The following CRYBA4 variants were observed in gnomAD, a reference collection of about 807,000 sequenced individuals.
CRYBA4 encodes the protein beta-crystallin A4.
CRYBA4 carries 30 observed loss-of-function variants against 31.7 expected under a neutral mutation model. The ratio of observed to expected loss-of-function variants is 0.95; its 90% CI spans 0.71 to 1.28. The LOEUF (loss-of-function observed/expected upper bound fraction) is 1.28, where lower values mean the gene tolerates loss of function less well. CRYBA4 is among the 50% of genes most tolerant of loss of function. The pLI, the probability that CRYBA4 is intolerant of heterozygous loss-of-function variation, is 0.00. For synonymous variants in CRYBA4, 102 were observed against 102.3 expected (o/e 1.00, Z 0.02); for missense variants, 225 against 260.7 (o/e 0.86, Z 0.94).
At chr22:26,607,721 G>A in the CRYBA4 span, among the ~76,000 whole-genome samples, 1 of 152,142 alleles carries the variant, frequency 6.6e-6, no homozygotes, top group East Asian at 1.9e-4. Flanking sequence ...GTGTGTTAAG[G>A]ACACTGATGA....
chr22:26,627,055 C>CTA (rs1929722578), intron 4 of CRYBA4, among the ~76,000 whole-genome samples: 4 of 151,866 alleles, frequency 2.6e-5, no homozygotes, highest in Non-Finnish European at 5.9e-5. Flanking sequence ...TGCAAACAGT[C>CTA]TAGATATTGT....
At chr22:26,628,241 T>TTC (rs769539890) in intron 4 of CRYBA4, 47 bp from the exon 5 acceptor site, 30 of 1,613,376 alleles carry the variant, frequency 1.9e-5, no homozygotes, top group Admixed American at 1.3e-4. Flanking sequence ...GCTCCTGGGT[T>TTC]TCCAACTGGG....
the CRYBA4 span, chr22:26,596,508 A>T: frequency 6.6e-6 from 1 of 152,274 alleles, no homozygotes; most frequent in Admixed American, 6.5e-5. Flanking sequence ...AAATAAGTTG[A>T]AAATAATTCT....
At chr22:26,602,147 G>T in the CRYBA4 span, 2 of 1,189,126 alleles carry the variant, frequency 1.7e-6, no homozygotes, top group East Asian at 4.9e-5. Flanking sequence ...GGACTCTCCA[G>T]GGACCACTGC....
chr22:26,596,682 A>G, the CRYBA4 span: 1 of 152,216 alleles, frequency 6.6e-6, no homozygotes, highest in African/African-American at 2.4e-5. Flanking sequence ...GGGGGCTCAT[A>G]TGACTGTGAA....
the CRYBA4 span, among the ~76,000 whole-genome samples, chr22:26,614,719 C>A: frequency 2.2e-4 from 33 of 152,232 alleles, no homozygotes; most frequent in African/African-American, 7.9e-4. Flanking sequence ...CGGCCAGTTG[C>A]GGTGGCTCAC....
Position 26,625,487 on chromosome 22 carries a change from G to A in CRYBA4, c.165G>A (p.Val55=). The A allele has an allele frequency of 6.2e-7, 1 of 1,613,914 alleles. No individual in the cohort carries two copies. ...RSLKVLSGAW[V]GFEHAGFQGQ... Reference sequence around the variant, plus strand: ...CTCTACCCTCTGTCTGCAGGTGGGTGGGCTTTGAGCATGCTGGCTTCCAAG... The same window carrying A: ...CTCTACCCTCTGTCTGCAGGTGGGTAGGCTTTGAGCATGCTGGCTTCCAAG... Residue 55 remains valine, a synonymous_variant, in exon 4 of 6, where the codon GTG becomes GTA. Coordinates refer to ENST00000354760, the MANE Select transcript of CRYBA4 (RefSeq NM_001886.3).
chr22:26,592,962 C>T, the CRYBA4 span, among the ~76,000 whole-genome samples: 3 of 152,140 alleles, frequency 2.0e-5, no homozygotes, highest in African/African-American at 7.2e-5. Context: ...TCTCTCAGTA[C>T]CCCTAGCTCA....
At chr22:26,599,115 C>T in the CRYBA4 span, among the ~76,000 whole-genome samples, 12 of 152,172 alleles carry the variant, frequency 7.9e-5, no homozygotes, top group South Asian at 2.1e-4. Flanking sequence ...ACCTGCTGCA[C>T]GAATGCCCTG....
In CRYBA4 at chr22:26,623,287, C is replaced by A. The variant is rs377668327; in HGVS notation, c.93C>A (p.Ala31=). The change falls in exon 3 of 6, where the codon GCC becomes GCA. Residue 31 remains alanine (A), a synonymous_variant. Coordinates refer to ENST00000354760, the MANE Select transcript of CRYBA4 (RefSeq NM_001886.3). The part of the protein sequence containing the change: ...GFQGRRHEFT[A]ECPSVLELGF... ...AGGGCCGGCGGCACGAGTTCACGGC[C>A]GAGTGCCCCAGCGTGCTGGAGCTTG... 1 of 1,614,004 alleles carries A rather than the reference C, an allele frequency of 6.2e-7. No individual in the cohort carries two copies. Among genetic ancestry groups the A allele is most frequent in the African/African-American group, 1.3e-5 (1 of 75,022 alleles).
the CRYBA4 span, chr22:26,616,121 T>C: frequency 4.3e-6 from 7 of 1,610,092 alleles, no homozygotes; most frequent in Non-Finnish European, 6.0e-6. Context: ...ACCCAGCCAC[T>C]GCACCCCCAG....
upstream of CRYBA4, among the ~76,000 whole-genome samples, chr22:26,620,894 A>G (rs1929511443): frequency 6.6e-6 from 1 of 151,918 alleles, no homozygotes. Flanking sequence ...GCTGCATTTC[A>G]CCCTCTTAAA....
chr22:26,611,969 G>C, the CRYBA4 span: 3 of 839,524 alleles, frequency 3.6e-6, no homozygotes, highest in Non-Finnish European at 6.2e-6. Context: ...CCAGGAGTAC[G>C]AACGGCCGCA....
At chr22:26,622,009 G>A in intron 1 of CRYBA4, 23 bp downstream of exon 1, 4 of 986,076 alleles carry the variant, frequency 4.1e-6, no homozygotes, top group Non-Finnish European at 4.8e-6. Flanking sequence ...TTTGGAGGAG[G>A]GGTGGGATCA....
chr22:26,592,104 A>G, the CRYBA4 span, among the ~76,000 whole-genome samples: 3 of 152,228 alleles, frequency 2.0e-5, no homozygotes, highest in Non-Finnish European at 4.4e-5. Context: ...TCTGGAAACA[A>G]TACAACAACA....
chr22:26,603,140 A>C, the CRYBA4 span, among the ~76,000 whole-genome samples: 2 of 151,268 alleles, frequency 1.3e-5, no homozygotes, highest in South Asian at 2.1e-4. Context: ...AAAAAAAAAA[A>C]AAAACAAAAA....
At chr22:26,612,341 C>T in the CRYBA4 span, 2 of 631,396 alleles carry the variant, frequency 3.2e-6, no homozygotes, top group Non-Finnish European at 5.7e-6. Flanking sequence ...TCCCATCCCC[C>T]AATTCTTTAC....
chr22:26,605,707 G>A, the CRYBA4 span, among the ~76,000 whole-genome samples: 1 of 144,870 alleles, frequency 6.9e-6, no homozygotes. Context: ...AATAGAAACA[G>A]GCCAACCAAA....
the CRYBA4 span, among the ~76,000 whole-genome samples, chr22:26,598,632 C>A: frequency 6.6e-6 from 1 of 152,344 alleles, no homozygotes; most frequent in East Asian, 1.9e-4. Context: ...GATCTACCCA[C>A]CTCAGCCTCC....
Sources: allele counts gnomAD v4.1 joint callset (sites outside exome capture counted in the v4.1 genomes callset), GRCh38; gene constraint gnomAD v4.1.1; transcripts MANE v1.5; gene names NCBI Gene and HGNC (gene_info 2026-07-23, HGNC 2026-07-21).